DAB1: variants seen among roughly 807,000 people sequenced by gnomAD.
The protein encoded by DAB1 is DAB adaptor protein 1, also known as disabled homolog 1.
In DAB1, 15 loss-of-function variants were observed where a neutral mutation model predicts 64.6. That is an observed-to-expected ratio of 0.23 (90% CI 0.16 to 0.36). DAB1 has a LOEUF of 0.36. Ranked by LOEUF, DAB1 falls within the 10% of genes least tolerant of loss-of-function variation. DAB1 has a pLI of 1.00. For synonymous variants in DAB1, 235 were observed against 251.9 expected (o/e 0.93, Z 0.64); for missense variants, 596 against 706.7 (o/e 0.84, Z 1.78).
intron 5 of DAB1, among the ~76,000 whole-genome samples, chr1:58,091,935 A>AACACACACACACACACACACACAC (rs59390109): frequency 3.3e-4 from 47 of 141,920 alleles, no homozygotes; most frequent in African/African-American, 1.2e-3. Flanking sequence ...AGCTGCATTA[A>AACACACACACACACACACACACAC]ACACACACAC....
At chr1:58,227,840 G>T (rs905177811) in intron 4 of DAB1, among the ~76,000 whole-genome samples, 3 of 152,162 alleles carry the variant, frequency 2.0e-5, no homozygotes, top group Non-Finnish European at 4.4e-5. Context: ...TATAATGCTT[G>T]GATGGCCTGA....
intron 4 of DAB1, among the ~76,000 whole-genome samples, chr1:57,089,471 A>G (rs1653425880): frequency 6.6e-6 from 1 of 152,068 alleles, no homozygotes; most frequent in South Asian, 2.1e-4. Context: ...TTATTGCAAA[A>G]CAAAAGGGAG....
intron 1 of DAB1, among the ~76,000 whole-genome samples, chr1:57,323,023 T>C (rs1485922175): frequency 7.1e-6 from 1 of 140,666 alleles, no homozygotes; most frequent in Non-Finnish European, 1.5e-5. Context: ...CTTCTGATTC[T>C]GTAGGTCTCA....
At chr1:58,170,537 G>T (rs1275114714) in intron 4 of DAB1, among the ~76,000 whole-genome samples, 3 of 152,082 alleles carry the variant, frequency 2.0e-5, no homozygotes, top group Non-Finnish European at 4.4e-5. Context: ...GGACCAAGAG[G>T]AACAGGCACA....
chr1:58,094,710 C>A (rs1461593369), intron 5 of DAB1, among the ~76,000 whole-genome samples: 2 of 152,190 alleles, frequency 1.3e-5, no homozygotes, highest in African/African-American at 4.8e-5. Flanking sequence ...TATCATAACA[C>A]CTCTTCAGTG....
At chr1:58,372,229 T>C (rs1343254403) in intron 3 of DAB1, among the ~76,000 whole-genome samples, 1 of 152,200 alleles carries the variant, frequency 6.6e-6, no homozygotes, top group Non-Finnish European at 1.5e-5. Context: ...AGCCCACCCT[T>C]TGCATCAGCA....
At chr1:58,210,169 C>T (rs761604767) in intron 4 of DAB1, among the ~76,000 whole-genome samples, 15 of 152,130 alleles carry the variant, frequency 9.9e-5, no homozygotes, top group African/African-American at 3.1e-4. Context: ...TCAAGACGTC[C>T]GAGATTTAAG....
intron 4 of DAB1, among the ~76,000 whole-genome samples, chr1:58,275,125 C>T (rs997597014): frequency 2.6e-4 from 39 of 151,932 alleles, no homozygotes; most frequent in Admixed American, 2.3e-3. Context: ...ATTGGATGTC[C>T]ACATATAAAA....
chr1:57,678,262 G>A (rs764812487), intron 6 of DAB1, among the ~76,000 whole-genome samples: 1 of 152,180 alleles, frequency 6.6e-6, no homozygotes, highest in Admixed American at 6.5e-5. Context: ...GAGAGGCATT[G>A]CAGAGGACCC....
intron 5 of DAB1, among the ~76,000 whole-genome samples, chr1:58,010,569 C>A (rs901363648): frequency 1.3e-5 from 2 of 152,196 alleles, no homozygotes; most frequent in African/African-American, 4.8e-5. Flanking sequence ...CAAGTGCCTG[C>A]AGTATGATTT....
intron 4 of DAB1, among the ~76,000 whole-genome samples, chr1:57,100,123 G>A (rs577784458): frequency 2.0e-4 from 30 of 152,264 alleles, no homozygotes; most frequent in Middle Eastern, 3.4e-3. Context: ...CACTAGCTAC[G>A]GGATCTTGGG....
intron 4 of DAB1, among the ~76,000 whole-genome samples, chr1:58,226,642 C>T (rs1659498873): frequency 6.6e-6 from 1 of 152,186 alleles, no homozygotes; most frequent in South Asian, 2.1e-4. Context: ...AAGTAGCTGA[C>T]ATTTATTGAA....
chr1:58,260,740 C>G (rs1353584501), intron 4 of DAB1, among the ~76,000 whole-genome samples: 1 of 152,134 alleles, frequency 6.6e-6, no homozygotes, highest in Non-Finnish European at 1.5e-5. Flanking sequence ...CTGAATCTAC[C>G]CCTCTGACTT....
At chr1:57,246,329 A>G (rs1186853028) in intron 2 of DAB1, among the ~76,000 whole-genome samples, 2 of 152,154 alleles carry the variant, frequency 1.3e-5, no homozygotes, top group African/African-American at 2.4e-5. Flanking sequence ...AGCTCCACCC[A>G]TGGCTAAAAG....
chr1:57,068,561 T>C (rs1294731102), intron 8 of DAB1, among the ~76,000 whole-genome samples: 2 of 152,148 alleles, frequency 1.3e-5, no homozygotes, highest in East Asian at 1.9e-4. Context: ...ATACATCAAA[T>C]TTTTTTTCTT....
rs373650826 is a variant in DAB1 at position 57,257,352 on chromosome 1, C to T, written c.67+33612G>A. Among the ~76,000 whole-genome samples the T allele has an allele frequency of 6.2e-4, 95 of 152,328 alleles. 1 individual carries two copies. The South Asian group carries it at 0.017, about 27-fold the overall frequency. On this transcript the variant is annotated intron_variant, in intron 2 of 14. Coordinates refer to ENST00000371236, the MANE Select transcript of DAB1 (RefSeq NM_001365792.1). ...AAGTGTGCTCTGTTAGGACCTGTGA[C>T]ATTCTGCCATGCTAACTGCAGCCTG...
At chr1:58,395,474 C>T (rs1435366675) in intron 3 of DAB1, among the ~76,000 whole-genome samples, 2 of 152,138 alleles carry the variant, frequency 1.3e-5, no homozygotes, top group African/African-American at 2.4e-5. Flanking sequence ...TCTATGATAC[C>T]ATATGTGGAC....
rs150933166 is a variant in DAB1 at position 58,066,815 on chromosome 1, T to G, written n.387+83696A>C. On this transcript the variant is annotated intron_variant and non_coding_transcript_variant, in intron 5 of 20. Transcript: ENST00000485760. ...TGAGACACTGGAATCACTTCTTTTT[T>G]GCCTGTCCGTTTTCCACCTTGCAGT... 2.5e-3 allele frequency among the ~76,000 whole-genome samples: 374 copies of G among 152,328 alleles called. 3 individuals carry two copies. Among genetic ancestry groups the G allele is most frequent in the African/African-American group, 8.7e-3 (363 of 41,588 alleles).
chr1:57,206,385 C>T lies in DAB1; in HGVS notation c.68-60956G>A, dbSNP rs147257871. ...TCTATTTCCAGCTCCACACAAATTC[C>T]TAGCCCCCACTACCTCATTGATAAG... On this transcript the variant is annotated intron_variant, in intron 2 of 14. Coordinates refer to ENST00000371236, the MANE Select transcript of DAB1 (RefSeq NM_001365792.1). Among the ~76,000 whole-genome samples, 155 of 152,324 alleles carry T rather than the reference C, an allele frequency of 1.0e-3. No individual in the cohort carries two copies. In the East Asian group the frequency reaches 0.025, roughly 25 times the overall value.
Sources: allele counts gnomAD v4.1 joint callset (sites outside exome capture counted in the v4.1 genomes callset), GRCh38; gene constraint gnomAD v4.1.1; transcripts MANE v1.5; gene names NCBI Gene and HGNC (gene_info 2026-07-23, HGNC 2026-07-21).